DSE: variants seen among roughly 807,000 people sequenced by gnomAD.
DSE encodes the protein dermatan sulfate epimerase.
Under a neutral mutation model 84.4 loss-of-function variants are expected in DSE, and 36 were observed. The observed-to-expected ratio is 0.43, with a 90% confidence interval of 0.33 to 0.56. The LOEUF (loss-of-function observed/expected upper bound fraction) is 0.56, where lower values mean the gene tolerates loss of function less well. Among genes scored for constraint, DSE ranks in the 20% least tolerant of loss-of-function variants. DSE has a pLI of 0.06. For synonymous variants in DSE, 410 were observed against 430.1 expected, an observed-to-expected ratio of 0.95 and a Z score of 0.58; for missense variants, 862 against 1,169.6, an observed-to-expected ratio of 0.74 and a Z score of 3.84.
At chr6:116,391,235 T>C (rs1311696455) in intron 1 of DSE, among the ~76,000 whole-genome samples, 1 of 152,224 alleles carries the variant, frequency 6.6e-6, no homozygotes, top group Admixed American at 6.5e-5. Flanking sequence ...TCTTTGACTG[T>C]ACAGAGCTGC....
chr6:116,287,362 G>A (rs1433062934), intron 2 of DSE, among the ~76,000 whole-genome samples: 2 of 151,904 alleles, frequency 1.3e-5, no homozygotes, highest in Non-Finnish European at 2.9e-5. Context: ...TTATTTCCAA[G>A]TATGATATTT....
chr6:116,279,075 C>T, intron 2 of DSE: 1 of 1,613,424 alleles, frequency 6.2e-7, no homozygotes, highest in Non-Finnish European at 8.5e-7. Flanking sequence ...TGTGCTCCAG[C>T]TGTTGGAAGG....
intron 2 of DSE, among the ~76,000 whole-genome samples, chr6:116,319,855 C>T (rs373283999): frequency 4.6e-5 from 7 of 152,262 alleles, no homozygotes; most frequent in Admixed American, 4.6e-4. Flanking sequence ...CTCCTGTTTA[C>T]ACATCTTTGC....
chr6:116,313,851 A>G (rs1169551510), intron 2 of DSE, among the ~76,000 whole-genome samples: 5 of 152,214 alleles, frequency 3.3e-5, no homozygotes, highest in Non-Finnish European at 7.4e-5. Context: ...TATTATGCCT[A>G]TTTAAATGTA....
intron 2 of DSE, among the ~76,000 whole-genome samples, chr6:116,313,639 T>C (rs1356081011): frequency 6.6e-5 from 10 of 152,208 alleles, no homozygotes; most frequent in African/African-American, 2.4e-4. Context: ...CACACATAGA[T>C]CTTTTGTTTT....
chr6:116,313,392 A>G (rs1308475147), intron 2 of DSE, among the ~76,000 whole-genome samples: 1 of 152,218 alleles, frequency 6.6e-6, no homozygotes, highest in African/African-American at 2.4e-5. Context: ...TTTACAACAC[A>G]ATTTTGAAAT....
At chr6:116,353,173 C>T (rs1043861455) in intron 2 of DSE, among the ~76,000 whole-genome samples, 5 of 152,022 alleles carry the variant, frequency 3.3e-5, no homozygotes, top group Non-Finnish European at 7.4e-5. Flanking sequence ...GTGTGTGGGT[C>T]TGTGTGTGTA....
At chr6:116,432,832 G>A (rs549262) in intron 4 of DSE, 54,070 of 154,326 alleles carry the variant, frequency 0.35, 9,940 homozygotes, top group Middle Eastern at 0.51. Context: ...GAGCTACTCC[G>A]GGAATTAAAT....
At chr6:116,364,752 A>G (rs1323731625) in intron 2 of DSE, among the ~76,000 whole-genome samples, 2 of 152,224 alleles carry the variant, frequency 1.3e-5, no homozygotes, top group African/African-American at 4.8e-5. Flanking sequence ...TATAATTAAT[A>G]AACCAGAAGA....
At position 116,426,695 on chromosome 6, in the gene DSE, G is replaced by T; in HGVS notation, c.538G>T (p.Val180Leu). The T allele has an allele frequency of 2.5e-6, 4 of 1,614,198 alleles. No homozygotes were observed. The highest frequency in any genetic ancestry group is 3.4e-6 in the Non-Finnish European group (4 of 1,180,036). The part of the protein sequence containing the change: ...SKTQQEKFLE[V>L]IANASGYMYE... ...GACACAACAGGAGAAGTTTCTTGAA[G>T]TGATTGCCAATGCCTCAGGGTATAT... Residue 180 changes from valine (V) to leucine (L), a missense_variant, in exon 3 of 6, where the codon GTG becomes TTG. Val to Leu is a conservative substitution (Grantham distance 32). Around this residue, in one of 4 missense-constraint regions of DSE, gnomAD observed 309 missense variants for 516.9 expected, o/e 0.60. Coordinates refer to ENST00000644252, the MANE Select transcript of DSE (RefSeq NM_013352.4).
At chr6:116,267,101 A>C (rs1396187799) in intron 2 of DSE, among the ~76,000 whole-genome samples, 1 of 152,284 alleles carries the variant, frequency 6.6e-6, no homozygotes, top group African/African-American at 2.4e-5. Context: ...TAGCACATAC[A>C]ATTAGGTACA....
intron 2 of DSE, chr6:116,277,483 T>A (rs1773201412): frequency 6.6e-6 from 1 of 152,362 alleles, no homozygotes; most frequent in African/African-American, 2.4e-5. Flanking sequence ...CTTTAACTAT[T>A]CTAGGAGTTG....
chr6:116,316,677 T>C (rs1775994817), intron 2 of DSE, among the ~76,000 whole-genome samples: 1 of 152,026 alleles, frequency 6.6e-6, no homozygotes, highest in South Asian at 2.1e-4. Flanking sequence ...TGACAGCTAG[T>C]CCAGAAAGAT....
In DSE at chr6:116,358,308, A is replaced by G. The variant is rs1015536657; in HGVS notation, c.-53-40890A>G. The stretch of plus-strand genomic sequence containing the variant: ...TAATAAATGAAAATGTCATGTTTGG[A>G]GATATAATATCACTACCATCTGTAA... On this transcript the variant is annotated intron_variant, in intron 2 of 3. Coordinates refer to the DSE transcript ENST00000430252. Among the ~76,000 whole-genome samples the G allele has an allele frequency of 2.0e-5, 3 of 152,350 alleles. No individual in the cohort carries two copies. In the East Asian group the frequency reaches 5.8e-4, roughly 29 times the overall value.
intron 2 of DSE, among the ~76,000 whole-genome samples, chr6:116,409,659 G>A (rs547404070): frequency 2.0e-4 from 31 of 152,284 alleles, no homozygotes; most frequent in African/African-American, 6.5e-4. Flanking sequence ...GACGTGTTAT[G>A]TATCTCTTTT....
At chr6:116,311,228 G>T (rs1176159746) in intron 2 of DSE, among the ~76,000 whole-genome samples, 1 of 152,062 alleles carries the variant, frequency 6.6e-6, no homozygotes, top group Non-Finnish European at 1.5e-5. Flanking sequence ...TTTTTTTACA[G>T]CATTTGTCAC....
intron 2 of DSE, among the ~76,000 whole-genome samples, chr6:116,357,810 G>A (rs1045102798): frequency 5.9e-5 from 9 of 152,046 alleles, no homozygotes; most frequent in East Asian, 5.8e-4. Context: ...ATTAAAATCC[G>A]CGTGCGCACG....
rs557882952 is a variant in DSE at position 116,278,147 on chromosome 6, G to A, written c.-54+19180G>A. On this transcript the variant is annotated intron_variant, in intron 2 of 3. Coordinates refer to the DSE transcript ENST00000430252. ...AATGCAGAGCTGAGTAGGTGGAACAGGCTCCCAAAGCTAGAAATCCAAGTG... is the reference window on the plus strand; with the variant it reads ...AATGCAGAGCTGAGTAGGTGGAACAAGCTCCCAAAGCTAGAAATCCAAGTG... 7 of 311,298 alleles carry A rather than the reference G, an allele frequency of 2.2e-5. No individual in the cohort carries two copies. In the East Asian group the frequency reaches 5.6e-4, roughly 25 times the overall value. The allele number at this position is 311,298 out of a possible 1,614,324, so 19.3% of individuals were successfully genotyped here.
At chr6:116,338,973 C>A (rs1453685945) in intron 2 of DSE, among the ~76,000 whole-genome samples, 1 of 152,296 alleles carries the variant, frequency 6.6e-6, no homozygotes, top group East Asian at 1.9e-4. Flanking sequence ...AATGTTTGCT[C>A]CAATCTTTCT....
Sources: gnomAD v4.1 joint callset for allele counts (sites outside exome capture counted in the v4.1 genomes callset) on GRCh38, gnomAD v4.1.1 for gene constraint, gnomAD v4.1.1 regional missense constraint, MANE v1.5 for transcripts, NCBI Gene and HGNC (gene_info 2026-07-23, HGNC 2026-07-21) for gene names.